Variants in PI4KA observed in about 807,000 individuals in gnomAD.
The protein encoded by PI4KA is PI4-kinase alpha.
PI4KA carries 122 observed loss-of-function variants against 271.4 expected under a neutral mutation model. The ratio of observed to expected loss-of-function variants is 0.45; its 90% CI spans 0.39 to 0.52. PI4KA has a LOEUF of 0.52. Among genes scored for constraint, PI4KA ranks in the 20% least tolerant of loss-of-function variants. The probability of loss-of-function intolerance (pLI) is 0.00; values close to 1 mark genes in which losing one functional copy is unlikely to be tolerated. For synonymous variants in PI4KA, 1,041 were observed against 1,078.8 expected, an observed-to-expected ratio of 0.96 and a Z score of 0.69; for missense variants, 1,969 against 2,769.1, an observed-to-expected ratio of 0.71 and a Z score of 6.48.
chr22:20,799,945 T>C (rs1294488417), intron 14 of PI4KA, among the ~76,000 whole-genome samples, 179 bp from the exon 15 acceptor site: 3 of 152,212 alleles, frequency 2.0e-5, no homozygotes, highest in Admixed American at 6.5e-5. Context: ...TTTTGCCCAC[T>C]TGATAAATGT....
chr22:20,854,065 A>G (rs1927306154), intron 1 of PI4KA, among the ~76,000 whole-genome samples: 1 of 151,892 alleles, frequency 6.6e-6, no homozygotes, highest in African/African-American at 2.4e-5. Flanking sequence ...CTTCTGATTT[A>G]CCTGGGGCCT....
chr22:20,825,069 C>CAAAAAAA (rs362248), intron 3 of PI4KA, among the ~76,000 whole-genome samples: 55,232 of 76,988 alleles, frequency 0.72, 21,349 homozygotes, highest in South Asian at 0.83. Flanking sequence ...GACGCCATCT[C>CAAAAAAA]AAAAAAAAAA....
At chr22:20,787,131 G>A (rs1311106281) in intron 19 of PI4KA, 59 of 1,388,408 alleles carry the variant, frequency 4.2e-5, no homozygotes, top group East Asian at 2.3e-5. Flanking sequence ...TTCCAACAAC[G>A]AGAACAGAGA....
Position 20,804,455 on chromosome 22 carries a change from A to G in PI4KA, c.1361-55T>C, listed in dbSNP as rs2147615886. 5.9e-6 allele frequency: 7 copies of G among 1,192,238 alleles called. No homozygotes were observed. In the South Asian group the frequency reaches 8.5e-5, roughly 14 times the overall value. The allele number at this position is 1,192,238 out of a possible 1,614,324, so 73.9% of individuals were successfully genotyped here. The stretch of plus-strand genomic sequence containing the variant: ...TGATCAGCACAGGCCAGTCTTTCTA[A>G]CACACTTATCCACCAAGTAAGCACA... On this transcript the variant is annotated intron_variant, in intron 11 of 54. Transcript: ENST00000255882.
intron 15 of PI4KA, 149 bp from the exon 16 acceptor site, chr22:20,799,425 C>T (rs1245421992): frequency 6.2e-6 from 5 of 802,374 alleles, no homozygotes; most frequent in South Asian, 4.0e-5. Context: ...ATTTTAACCA[C>T]GGGCAGAAAC....
Position 20,719,931 on chromosome 22 carries a change from C to T in PI4KA, c.5117-1109G>A, listed in dbSNP as rs796447391. On this transcript the variant is annotated intron_variant, in intron 43 of 54. Transcript: ENST00000255882. ...GTCCCAGCTACTCGGGAGGCTGAGG[C>T]AGGAGAATGGCGTGAACCTGGGAGG... Among the ~76,000 whole-genome samples the T allele has an allele frequency of 9.5e-5, 14 of 146,920 alleles. No individual in the cohort carries two copies. In the South Asian group the frequency reaches 1.5e-3, roughly 16 times the overall value.
intron 36 of PI4KA, among the ~76,000 whole-genome samples, 178 bp downstream of exon 36, chr22:20,732,793 G>A (rs1472700388): frequency 6.6e-6 from 1 of 152,198 alleles, no homozygotes; most frequent in African/African-American, 2.4e-5. Flanking sequence ...GCTCAGGCCA[G>A]AGGAGAAGCA....
chr22:20,734,092 C>T lies in PI4KA; in HGVS notation c.4003G>A (p.Ala1335Thr). ...QRSMSLNIGG[A>T]KGSMNRHVAA... The stretch of plus-strand genomic sequence containing the variant: ...ACGTGCCGGTTCATGCTCCCCTTGG[C>T]CCCGCCGATGTTCAGGGACATGGAG... Residue 1335 changes from alanine to threonine, a missense_variant, in exon 34 of 55, where the codon GCC becomes ACC. Ala to Thr is a moderately conservative substitution (Grantham distance 58). This residue lies in a region of PI4KA where 72 missense variants were observed against 103.1 expected (regional missense o/e 0.70). Coordinates refer to ENST00000255882, the MANE Select transcript of PI4KA (RefSeq NM_058004.4). The T allele has an allele frequency of 6.2e-7, 1 of 1,608,116 alleles. No homozygotes were observed. The highest frequency in any genetic ancestry group is 1.1e-5 in the South Asian group (1 of 90,298).
At position 20,829,174 on chromosome 22, in the gene PI4KA, AG is replaced by A. The variant is rs533982282; in HGVS notation, c.368-4761del. Among the ~76,000 whole-genome samples the A allele has an allele frequency of 1.7e-3, 256 of 152,206 alleles. 2 individuals carry two copies. The highest frequency in any genetic ancestry group is 5.9e-3 in the African/African-American group (247 of 41,540). On this transcript the variant is annotated intron_variant, in intron 3 of 54. Coordinates refer to ENST00000255882, the MANE Select transcript of PI4KA (RefSeq NM_058004.4). ...GGTATCAGCATGATGCTACCCTCAT[AG>A]AATTAGGGAGGAGTCCCTCCTCCTT...
At chr22:20,811,175 G>A in intron 8 of PI4KA, 143 bp from the exon 9 acceptor site, 1 of 681,112 alleles carries the variant, frequency 1.5e-6, no homozygotes. Flanking sequence ...TTATGGCTAT[G>A]TATCAAACTA....
At chr22:20,778,852 G>A (rs970852333) in intron 19 of PI4KA, among the ~76,000 whole-genome samples, 1 of 152,164 alleles carries the variant, frequency 6.6e-6, no homozygotes, top group African/African-American at 2.4e-5. Flanking sequence ...ATGTGCTCTG[G>A]CAGCATTATT....
chr22:20,716,360 C>T (rs1203968311), intron 45 of PI4KA, among the ~76,000 whole-genome samples: 1 of 152,216 alleles, frequency 6.6e-6, no homozygotes, highest in East Asian at 1.9e-4. Context: ...CCCAGGCTCC[C>T]CTTTCTCAGT....
In PI4KA at chr22:20,834,673, G is replaced by A. The variant is rs114850709; in HGVS notation, c.274-18C>T. 6 of 1,485,104 alleles carry A rather than the reference G, an allele frequency of 4.0e-6. No individual in the cohort carries two copies. The South Asian group carries it at 5.8e-5, about 14-fold the overall frequency. The allele number at this position is 1,485,104 out of a possible 1,614,324, so 92.0% of individuals were successfully genotyped here. ...TCTTTGTGCTAAAAAATAATAAGAAGAATAATAAATTAGATTTAATAAAAT... is the reference window on the plus strand; with the variant it reads ...TCTTTGTGCTAAAAAATAATAAGAAAAATAATAAATTAGATTTAATAAAAT... On this transcript the variant is annotated intron_variant, in intron 2 of 54. Coordinates refer to ENST00000255882, the MANE Select transcript of PI4KA (RefSeq NM_058004.4).
intron 42 of PI4KA, among the ~76,000 whole-genome samples, chr22:20,724,995 A>G (rs1443603827): frequency 6.6e-6 from 1 of 152,218 alleles, no homozygotes; most frequent in Non-Finnish European, 1.5e-5. Context: ...AGAGGCGCAG[A>G]GAGTGTGGCA....
At chr22:20,791,826 C>A (rs930103302) in intron 19 of PI4KA, among the ~76,000 whole-genome samples, 1 of 152,024 alleles carries the variant, frequency 6.6e-6, no homozygotes, top group Admixed American at 6.6e-5. Context: ...GCAGGCCGGG[C>A]GCGGCAGCTC....
At chr22:20,858,078 G>T (rs1199747109) in intron 1 of PI4KA, among the ~76,000 whole-genome samples, 1 of 152,136 alleles carries the variant, frequency 6.6e-6, no homozygotes, top group Non-Finnish European at 1.5e-5. Flanking sequence ...ACAGTGTTTC[G>T]TCTCCTGGTC....
At chr22:20,855,621 C>T (rs1485276510) in intron 1 of PI4KA, among the ~76,000 whole-genome samples, 2 of 152,162 alleles carry the variant, frequency 1.3e-5, no homozygotes, top group Non-Finnish European at 2.9e-5. Flanking sequence ...CACAGGCTTC[C>T]TTATGTTCTC....
At chr22:20,724,423 A>G (rs1306739655) in intron 42 of PI4KA, among the ~76,000 whole-genome samples, 1 of 151,858 alleles carries the variant, frequency 6.6e-6, no homozygotes, top group Non-Finnish European at 1.5e-5. Flanking sequence ...CCTGGCCAAC[A>G]TGGTGAAACC....
At chr22:20,773,310 T>C (rs1224802252) in intron 19 of PI4KA, among the ~76,000 whole-genome samples, 3 of 151,844 alleles carry the variant, frequency 2.0e-5, no homozygotes, top group Non-Finnish European at 4.4e-5. Context: ...CGCTTGAACT[T>C]GGGAGACAGA....
Sources: allele counts gnomAD v4.1 joint callset (sites outside exome capture counted in the v4.1 genomes callset), GRCh38; gene constraint gnomAD v4.1.1; regional missense constraint gnomAD v4.1.1; transcripts MANE v1.5; gene names NCBI Gene and HGNC (gene_info 2026-07-23, HGNC 2026-07-21).